Variants in TFAP2C observed in about 807,000 individuals in gnomAD.
TFAP2C encodes transcription factor AP-2 gamma, also known as activating enhancer-binding protein 2 gamma.
A neutral mutation model predicts 42.9 loss-of-function variants in TFAP2C; 9 were observed. The observed-to-expected ratio is 0.21, with a 90% CI of 0.13 to 0.37. The LOEUF is 0.37. Ranked by LOEUF, TFAP2C falls within the 10% of genes least tolerant of loss-of-function variation. The pLI is 1.00. For missense variants in TFAP2C, 462 were observed against 591.7 expected, an observed-to-expected ratio of 0.78 and a Z score of 2.27; for synonymous variants, 264 against 256.0, an observed-to-expected ratio of 1.03 and a Z score of -0.30.
chr20:56,629,562 C>A lies in TFAP2C; in HGVS notation c.18C>A (p.Thr6=), dbSNP rs773429760. 1.4e-6 allele frequency: 2 copies of A among 1,425,442 alleles called. No individual in the cohort carries two copies. Among genetic ancestry groups the A allele is most frequent in the Non-Finnish European group, 1.8e-6 (2 of 1,087,236 alleles). The allele number at this position is 1,425,442 out of a possible 1,614,324, so 88.3% of individuals were successfully genotyped here. MLWKI[T]DNVKYEEDCE... ...CGGACGCCATGTTGTGGAAAATAAC[C>A]GATAATGTCAAGTACGAAGAGGACT... Residue 6 remains threonine (T), a synonymous_variant, in exon 1 of 7, where the codon ACC becomes ACA. Transcript: ENST00000201031. The surrounding 1 kb of genome is among the most constrained non-coding windows in gnomAD (Gnocchi z 5.9).
chr20:56,630,886 C>A lies in TFAP2C; in HGVS notation c.49-319C>A. ...CCCCGGGCTCCGGCCACGGACTTTT[C>A]TGGCCCAAGACCCAGGGTTCGGACT... On this transcript the variant is annotated intron_variant, in intron 1 of 6. Transcript: ENST00000201031. The surrounding 1 kb of genome is among the most constrained non-coding windows in gnomAD (Gnocchi z 5.1). 1.0e-6 allele frequency: 1 copy of A among 985,316 alleles called. No homozygotes were observed. Among genetic ancestry groups the A allele is most frequent in the Non-Finnish European group, 1.2e-6 (1 of 829,894 alleles). The allele number at this position is 985,316 out of a possible 1,614,324, so 61.0% of individuals were successfully genotyped here.
chr20:56,636,593 G>A lies in TFAP2C; in HGVS notation c.923-17G>A. On this transcript the variant is annotated splice_polypyrimidine_tract_variant and intron_variant, in intron 5 of 6. Transcript: ENST00000201031. The stretch of plus-strand genomic sequence containing the variant: ...AGTGACCACAGCCATCCTAAAAGCT[G>A]TTGCTGATTATTCTAGGTGAAGCTG... 1.9e-6 allele frequency: 3 copies of A among 1,604,898 alleles called. No homozygotes were observed. The highest frequency in any genetic ancestry group is 2.5e-6 in the Non-Finnish European group (3 of 1,177,122).
chr20:56,634,086 A>G, intron 4 of TFAP2C, 64 bp from the exon 5 acceptor site: 1 of 1,083,686 alleles, frequency 9.2e-7, no homozygotes, highest in Non-Finnish European at 1.4e-6. Flanking sequence ...AGAATTTTTA[A>G]AGTGTGCGTG....
Position 56,631,719 on chromosome 20 carries a change from C to T in TFAP2C, c.534+29C>T. ...AGCGGCGCTGCGGCTCCTGACCGGA[C>T]CTGTTCACCCTACGGCCTTCTGCCC... is the stretch of plus-strand genomic sequence containing the variant. On this transcript the variant is annotated intron_variant, in intron 2 of 6. Coordinates refer to ENST00000201031, the MANE Select transcript of TFAP2C (RefSeq NM_003222.4). This position sits in a 1 kb window ranked among gnomAD's most constrained non-coding sequence, Gnocchi z 6.1. 1 of 1,607,576 alleles carries T rather than the reference C, an allele frequency of 6.2e-7. No individual in the cohort carries two copies. The highest frequency in any genetic ancestry group is 8.5e-7 in the Non-Finnish European group (1 of 1,177,274).
In TFAP2C at chr20:56,630,964, G is replaced by C; in HGVS notation, c.49-241G>C. On this transcript the variant is annotated intron_variant, in intron 1 of 6. Coordinates refer to ENST00000201031, the MANE Select transcript of TFAP2C (RefSeq NM_003222.4). The surrounding 1 kb of genome is among the most constrained non-coding windows in gnomAD (Gnocchi z 5.1). ...GAGCAGCGCCTAGACCTTCGCCGCCGGGCTTTGAGAACTCGTTCCCCCAGG... is the reference window on the plus strand; with the variant it reads ...GAGCAGCGCCTAGACCTTCGCCGCCCGGCTTTGAGAACTCGTTCCCCCAGG... The C allele has an allele frequency of 1.0e-6, 1 of 985,392 alleles. No homozygotes were observed. The highest frequency in any genetic ancestry group is 1.2e-6 in the Non-Finnish European group (1 of 829,920). The allele number at this position is 985,392 out of a possible 1,614,324, so 61.0% of individuals were successfully genotyped here.
rs1226246286 is a variant in TFAP2C, at chr20:56,638,219, AC to A, written c.*208del. ...GCGCTGAGCTATCTCCTAACTTTGG[AC>A]CTATTATCAGAAGGTGACAAGTACT... On this transcript the variant is annotated 3_prime_UTR_variant, in exon 7 of 7. Transcript: ENST00000201031. 1.9e-6 allele frequency: 1 copy of A among 540,396 alleles called. No homozygotes were observed. Among genetic ancestry groups the A allele is most frequent in the Non-Finnish European group, 3.2e-6 (1 of 309,012 alleles). 33.5% of individuals were successfully genotyped at this position (540,396 alleles called of 1,614,324 possible).
chr20:56,631,814 G>C lies in TFAP2C; in HGVS notation c.544G>C (p.Asp182His). The change falls in exon 3 of 7, where the codon GAC (aspartate) becomes CAC (histidine). Residue 182 changes from aspartate to histidine, a missense_variant. This residue lies in a region of TFAP2C where 271 missense variants were observed against 269.7 expected (regional missense o/e 1.00). Coordinates refer to ENST00000201031, the MANE Select transcript of TFAP2C (RefSeq NM_003222.4). This position sits in a 1 kb window ranked among gnomAD's most constrained non-coding sequence, Gnocchi z 6.1. ...HQMDEVQNVD[D>H]QHLLLHDQTV... ...GTCCTCTCTCCCCCAGAATGTCGACGACCAGCACCTGTTGCTGCACGATCA... is the reference window on the plus strand; with the variant it reads ...GTCCTCTCTCCCCCAGAATGTCGACCACCAGCACCTGTTGCTGCACGATCA... 3.7e-6 allele frequency: 6 copies of C among 1,614,158 alleles called. No homozygotes were observed. The highest frequency in any genetic ancestry group is 5.1e-6 in the Non-Finnish European group (6 of 1,180,020).
intron 6 of TFAP2C, 119 bp downstream of exon 6, chr20:56,636,873 T>A: frequency 1.5e-6 from 2 of 1,294,182 alleles, no homozygotes; most frequent in Non-Finnish European, 2.1e-6. Flanking sequence ...TAAATTAGGG[T>A]GGAGCAAAAG....
At chr20:56,637,656 G>A in intron 6 of TFAP2C, 72 bp from the exon 7 acceptor site, 1 of 1,520,120 alleles carries the variant, frequency 6.6e-7, no homozygotes, top group Non-Finnish European at 9.0e-7. Context: ...CAGCCTCAGT[G>A]TAGTTGGTTC....
chr20:56,637,605 C>T, intron 6 of TFAP2C, 123 bp from the exon 7 acceptor site: 1 of 821,076 alleles, frequency 1.2e-6, no homozygotes, highest in Non-Finnish European at 1.9e-6. Flanking sequence ...ATTAAATTCT[C>T]CTTCCTCGGG....
chr20:56,630,918 C>G lies in TFAP2C; in HGVS notation c.49-287C>G, dbSNP rs1242315028. On this transcript the variant is annotated intron_variant, in intron 1 of 6. Coordinates refer to ENST00000201031, the MANE Select transcript of TFAP2C (RefSeq NM_003222.4). This position sits in a 1 kb window ranked among gnomAD's most constrained non-coding sequence, Gnocchi z 5.1. The stretch of plus-strand genomic sequence containing the variant: ...AAGACCCAGGGTTCGGACTTGGCGC[C>G]TCCAAGCGCCTCGGGCTTGGGAGCA... 4.1e-6 allele frequency: 4 copies of G among 985,288 alleles called. No individual in the cohort carries two copies. Among genetic ancestry groups the G allele is most frequent in the Non-Finnish European group, 4.8e-6 (4 of 829,926 alleles). 61.0% of individuals were successfully genotyped at this position (985,288 alleles called of 1,614,324 possible).
At position 56,630,672 on chromosome 20, in the gene TFAP2C, G is replaced by C. The variant is rs1987470662; in HGVS notation, c.49-533G>C. The C allele has an allele frequency of 2.0e-6, 2 of 984,750 alleles. No individual in the cohort carries two copies. The highest frequency in any genetic ancestry group is 2.4e-6 in the Non-Finnish European group (2 of 829,466). 61.0% of individuals were successfully genotyped at this position (984,750 alleles called of 1,614,324 possible). Reference sequence around the variant, plus strand: ...CTGCTTTCCGAGCGCCGCCCGCTCGGAGGTCTTTGTCCCGAGGGCGTGGAA... The same window carrying C: ...CTGCTTTCCGAGCGCCGCCCGCTCGCAGGTCTTTGTCCCGAGGGCGTGGAA... On this transcript the variant is annotated intron_variant, in intron 1 of 6. Transcript: ENST00000201031. The surrounding 1 kb of genome is among the most constrained non-coding windows in gnomAD (Gnocchi z 5.1).
chr20:56,629,603 G>A lies in TFAP2C; in HGVS notation c.48+11G>A. On this transcript the variant is annotated intron_variant, in intron 1 of 6. Coordinates refer to ENST00000201031, the MANE Select transcript of TFAP2C (RefSeq NM_003222.4). This position sits in a 1 kb window ranked among gnomAD's most constrained non-coding sequence, Gnocchi z 5.9. ...GAAGAGGACTGCGAGGTGAGCTGGGGCTCCGGGGTGCAGCCCCGCCCCGCC... is the reference window on the plus strand; with the variant it reads ...GAAGAGGACTGCGAGGTGAGCTGGGACTCCGGGGTGCAGCCCCGCCCCGCC... The A allele has an allele frequency of 1.4e-6, 2 of 1,407,746 alleles. No homozygotes were observed. The highest frequency in any genetic ancestry group is 1.8e-6 in the Non-Finnish European group (2 of 1,081,398). 87.2% of individuals were successfully genotyped at this position (1,407,746 alleles called of 1,614,324 possible). A position where few individuals can be genotyped will look rare whatever the true frequency, so the allele number is the denominator to read the frequency against.
intron 6 of TFAP2C, among the ~76,000 whole-genome samples, chr20:56,637,277 G>A (rs1489919378): frequency 6.6e-6 from 1 of 152,214 alleles, no homozygotes; most frequent in East Asian, 1.9e-4. Flanking sequence ...GCCAGGAAAT[G>A]GGGTAAAAGA....
chr20:56,633,617 A>G (rs1242055270), intron 4 of TFAP2C, 48 bp downstream of exon 4: 1 of 1,379,220 alleles, frequency 7.3e-7, no homozygotes, highest in South Asian at 1.2e-5. Context: ...GTTGAAGGTG[A>G]GTGTATCAGA....
Position 56,631,877 on chromosome 20 carries a change from G to T in TFAP2C, c.586+21G>T. On this transcript the variant is annotated intron_variant, in intron 3 of 6. Coordinates refer to ENST00000201031, the MANE Select transcript of TFAP2C (RefSeq NM_003222.4). This position sits in a 1 kb window ranked among gnomAD's most constrained non-coding sequence, Gnocchi z 6.1. ...CAAAGGTAAATAGCAAGGTGGCATC[G>T]TCTAACTCTGGTCACACGATCTGGG... The T allele has an allele frequency of 1.9e-6, 3 of 1,614,064 alleles. No individual in the cohort carries two copies.
rs544820793 is a variant in TFAP2C, at chr20:56,630,382, G to T, written c.48+790G>T. 6.1e-5 allele frequency: 28 copies of T among 457,054 alleles called. No homozygotes were observed. Among genetic ancestry groups the T allele is most frequent in the African/African-American group, 5.1e-4 (25 of 49,468 alleles). The allele number at this position is 457,054 out of a possible 1,614,324, so 28.3% of individuals were successfully genotyped here. A position where few individuals can be genotyped will look rare whatever the true frequency, so the allele number is the denominator to read the frequency against. On this transcript the variant is annotated intron_variant, in intron 1 of 6. Transcript: ENST00000201031. This position sits in a 1 kb window ranked among gnomAD's most constrained non-coding sequence, Gnocchi z 5.1. The stretch of plus-strand genomic sequence containing the variant: ...CGCCATGTTCCTCCAGGTTCCCGGC[G>T]CCCCGAGACCCCTGGGCAGATGGGG...
At chr20:56,634,439 G>A (rs1464708674) in intron 5 of TFAP2C, among the ~76,000 whole-genome samples, 171 bp downstream of exon 5, 1 of 152,190 alleles carries the variant, frequency 6.6e-6, no homozygotes, top group Non-Finnish European at 1.5e-5. Context: ...TAATTTTATC[G>A]AATAAGTTAA....
In TFAP2C at chr20:56,631,982, T is replaced by A; in HGVS notation, c.586+126T>A. ...TGTGGTAGAAGGGACTGAAAGGGAT[T>A]CATGGAAGCTAGATTTTAGGAGTGA... On this transcript the variant is annotated intron_variant, in intron 3 of 6. Transcript: ENST00000201031. The surrounding 1 kb of genome is among the most constrained non-coding windows in gnomAD (Gnocchi z 6.1). The A allele has an allele frequency of 9.4e-7, 1 of 1,063,800 alleles. No individual in the cohort carries two copies. The highest frequency in any genetic ancestry group is 1.4e-6 in the Non-Finnish European group (1 of 696,964). The allele number at this position is 1,063,800 out of a possible 1,614,324, so 65.9% of individuals were successfully genotyped here. A position where few individuals can be genotyped will look rare whatever the true frequency, so the allele number is the denominator to read the frequency against.
Sources: gnomAD v4.1 joint callset for allele counts (sites outside exome capture counted in the v4.1 genomes callset) on GRCh38, gnomAD v4.1.1 for gene constraint, gnomAD v4.1.1 regional missense constraint, Gnocchi (gnomAD v3.1) non-coding constraint, MANE v1.5 for transcripts, NCBI Gene and HGNC (gene_info 2026-07-23, HGNC 2026-07-21) for gene names.